Variants in FAM135A observed in about 807,000 individuals in gnomAD.
The protein encoded by FAM135A is protein FAM135A.
FAM135A carries 79 observed loss-of-function variants against 146.8 expected under a neutral mutation model. The ratio of observed to expected loss-of-function variants is 0.54; its 90% CI spans 0.45 to 0.65. FAM135A has a LOEUF of 0.65. FAM135A is among the 30% of genes least tolerant of loss of function. FAM135A has a pLI of 0.00. For synonymous variants in FAM135A, 562 were observed against 603.6 expected (o/e 0.93, Z 1.01); for missense variants, 1,623 against 1,758.2 (o/e 0.92, Z 1.38).
At chr6:70,482,244 T>C (rs771043285) in intron 10 of FAM135A, 90 bp downstream of exon 10, 3 of 1,334,924 alleles carry the variant, frequency 2.2e-6, no homozygotes, top group Non-Finnish European at 3.0e-6. Flanking sequence ...ATAGTTTTTC[T>C]ATACTAAAAC....
At chr6:70,420,669 A>G (rs974199294) in intron 2 of FAM135A, among the ~76,000 whole-genome samples, 1 of 152,226 alleles carries the variant, frequency 6.6e-6, no homozygotes, top group Non-Finnish European at 1.5e-5. Flanking sequence ...TGTGAGATGT[A>G]TAATTTAAAT....
chr6:70,456,216 T>C (rs1778337837), intron 5 of FAM135A, among the ~76,000 whole-genome samples: 1 of 152,272 alleles, frequency 6.6e-6, no homozygotes, highest in African/African-American at 2.4e-5. Flanking sequence ...AAACATTTGC[T>C]GATTTCTTAA....
rs189098791 is a variant in FAM135A, at chr6:70,458,953, A to G, written c.157+6382A>G. On this transcript the variant is annotated intron_variant, in intron 5 of 21. Coordinates refer to ENST00000418814, the MANE Select transcript of FAM135A (RefSeq NM_001162529.3). ...TCACTATTAGTAAATTATTAAGGAAAGGTATCCTTTTCTGCCTCAAGAAAT... is the reference window on the plus strand; with the variant it reads ...TCACTATTAGTAAATTATTAAGGAAGGGTATCCTTTTCTGCCTCAAGAAAT... Among the ~76,000 whole-genome samples, 3 of 152,324 alleles carry G rather than the reference A, an allele frequency of 2.0e-5. No homozygotes were observed. In the East Asian group the frequency reaches 5.8e-4, roughly 29 times the overall value.
Position 70,526,013 on chromosome 6 carries a change from C to T in FAM135A, c.2929C>T (p.Pro977Ser). 1 of 1,612,234 alleles carries T rather than the reference C, an allele frequency of 6.2e-7. No individual in the cohort carries two copies. Among genetic ancestry groups the T allele is most frequent in the East Asian group, 2.2e-5 (1 of 44,842 alleles). Residue 977 changes from proline (P) to serine (S), a missense_variant, in exon 15 of 22, where the codon CCT (proline) becomes TCT (serine). By Grantham distance (74) the Pro-to-Ser change is moderately conservative (BLOSUM62 -1). Coordinates refer to ENST00000418814, the MANE Select transcript of FAM135A (RefSeq NM_001162529.3). Reference protein sequence around the residue: ...LNSKLICLGTPCVISGSISSN... With the variant: ...LNSKLICLGTSCVISGSISSN... ...TTCAAAACTGATTTGTTTAGGCACT[C>T]CTTGTGTCATTTCAGGTTCCATTTC... is the stretch of plus-strand genomic sequence containing the variant.
intron 5 of FAM135A, 104 bp downstream of exon 5, chr6:70,452,675 A>T (rs1293327707): frequency 1.5e-6 from 1 of 686,912 alleles, no homozygotes; most frequent in Non-Finnish European, 2.3e-6. Context: ...ATGGTATAAC[A>T]TCATTATGAT....
chr6:70,440,329 T>C (rs554821922), intron 4 of FAM135A, among the ~76,000 whole-genome samples: 2 of 152,334 alleles, frequency 1.3e-5, no homozygotes, highest in African/African-American at 4.8e-5. Context: ...TCCCTATCAC[T>C]TAATTGATGG....
intron 5 of FAM135A, among the ~76,000 whole-genome samples, chr6:70,473,483 C>G (rs117057402): frequency 6.6e-6 from 1 of 152,310 alleles, no homozygotes; most frequent in East Asian, 1.9e-4. Context: ...AGTTTCAATC[C>G]AGTACCATGG....
intron 11 of FAM135A, among the ~76,000 whole-genome samples, chr6:70,495,915 G>C (rs1465023777): frequency 6.6e-6 from 1 of 152,106 alleles, no homozygotes; most frequent in African/African-American, 2.4e-5. Context: ...GTGTTAGTTT[G>C]CTGAGAATGA....
At chr6:70,519,359 A>G (rs893230396) in intron 12 of FAM135A, among the ~76,000 whole-genome samples, 1 of 152,226 alleles carries the variant, frequency 6.6e-6, no homozygotes, top group African/African-American at 2.4e-5. Context: ...CCTGGTGAAG[A>G]TGCTGCGAAC....
intron 4 of FAM135A, among the ~76,000 whole-genome samples, chr6:70,434,443 A>G (rs1027121535): frequency 6.6e-6 from 1 of 152,228 alleles, no homozygotes; most frequent in African/African-American, 2.4e-5. Flanking sequence ...CTGGTTCAGG[A>G]TGAAGCACTG....
intron 16 of FAM135A, among the ~76,000 whole-genome samples, chr6:70,532,579 C>A (rs909344733): frequency 1.3e-5 from 2 of 152,116 alleles, no homozygotes; most frequent in African/African-American, 4.8e-5. Flanking sequence ...GATGTGCTAA[C>A]AGTTTGATAA....
Position 70,525,105 on chromosome 6 carries a change from T to C in FAM135A, c.2021T>C (p.Val674Ala), listed in dbSNP as rs1402457397. Reference protein sequence around the residue: ...KDPFSGENITVKLGPWTELRQ... With the variant: ...KDPFSGENITAKLGPWTELRQ... ...CCTTTCAGTGGAGAGAATATAACTGTCAAACTAGGACCTTGGACAGAGCTT... is the reference window on the plus strand; with the variant it reads ...CCTTTCAGTGGAGAGAATATAACTGCCAAACTAGGACCTTGGACAGAGCTT... The change falls in exon 15 of 22, where the codon GTC becomes GCC. Residue 674 changes from valine to alanine, a missense_variant. By Grantham distance (64) the Val-to-Ala change is moderately conservative (BLOSUM62 0). Around this residue, in one of 7 missense-constraint regions of FAM135A, gnomAD observed 1,061 missense variants for 1,113.8 expected, o/e 0.95. Transcript: ENST00000418814. 6.4e-7 allele frequency: 1 copy of C among 1,565,766 alleles called. No individual in the cohort carries two copies. The highest frequency in any genetic ancestry group is 2.0e-5 in the Admixed American group (1 of 50,110).
chr6:70,486,215 A>G, intron 10 of FAM135A: 1 of 1,613,916 alleles, frequency 6.2e-7, no homozygotes. Context: ...AGAAGAAAAC[A>G]GCTACGAACA....
At chr6:70,460,640 G>C (rs113138660) in intron 5 of FAM135A, among the ~76,000 whole-genome samples, 7 of 152,274 alleles carry the variant, frequency 4.6e-5, no homozygotes, top group African/African-American at 1.7e-4. Flanking sequence ...CTTTGGTATT[G>C]ATGTGGATCA....
At chr6:70,505,425 T>C (rs1789542193) in intron 12 of FAM135A, among the ~76,000 whole-genome samples, 2 of 152,156 alleles carry the variant, frequency 1.3e-5, no homozygotes. Context: ...GTGACCTTGA[T>C]TTTTTTGAAG....
chr6:70,549,808 T>C (rs1799490056), intron 20 of FAM135A, among the ~76,000 whole-genome samples: 1 of 152,200 alleles, frequency 6.6e-6, no homozygotes, highest in African/African-American at 2.4e-5. Context: ...ACAAAAGATA[T>C]CTCTGTAGCA....
chr6:70,448,226 A>G (rs1364694176), intron 4 of FAM135A, among the ~76,000 whole-genome samples: 1 of 152,178 alleles, frequency 6.6e-6, no homozygotes, highest in African/African-American at 2.4e-5. Context: ...CTTTAACATA[A>G]TAATGAGGGG....
intron 11 of FAM135A, among the ~76,000 whole-genome samples, chr6:70,500,238 A>C (rs1302364261): frequency 6.6e-6 from 1 of 152,006 alleles, no homozygotes; most frequent in Non-Finnish European, 1.5e-5. Flanking sequence ...GTTGATCTTC[A>C]GTCTCTGATA....
intron 12 of FAM135A, 139 bp downstream of exon 12, chr6:70,502,930 A>G (rs531055867): frequency 3.5e-6 from 3 of 865,412 alleles, no homozygotes; most frequent in Non-Finnish European, 3.4e-6. Flanking sequence ...TTATTGTTTG[A>G]CTTCCAAAAT....
Sources: gnomAD v4.1 joint callset for allele counts (sites outside exome capture counted in the v4.1 genomes callset) on GRCh38, gnomAD v4.1.1 for gene constraint, gnomAD v4.1.1 regional missense constraint, MANE v1.5 for transcripts, NCBI Gene and HGNC (gene_info 2026-07-23, HGNC 2026-07-21) for gene names.